Variants in HBS1L observed in about 807,000 individuals in gnomAD.
The protein encoded by HBS1L is HBS1 like translational GTPase.
Under a neutral mutation model 88.9 loss-of-function variants are expected in HBS1L, and 55 were observed. The observed-to-expected ratio is 0.62, with a 90% CI of 0.50 to 0.77. The LOEUF (loss-of-function observed/expected upper bound fraction) is 0.77, where lower values mean the gene tolerates loss of function less well. Among genes scored for constraint, HBS1L ranks in the 30% least tolerant of loss-of-function variants. HBS1L has a pLI of 0.00. For missense variants in HBS1L, 741 were observed against 829.3 expected (o/e 0.89, Z 1.31); for synonymous variants, 267 against 288.5 (o/e 0.93, Z 0.76).
intron 4 of HBS1L, among the ~76,000 whole-genome samples, chr6:135,023,903 T>C (rs1489164215): frequency 6.6e-6 from 1 of 152,228 alleles, no homozygotes; most frequent in African/African-American, 2.4e-5. Context: ...CAATTTAAAT[T>C]ATACATGATA....
At chr6:135,003,309 G>C (rs935108123) in intron 4 of HBS1L, among the ~76,000 whole-genome samples, 2 of 152,128 alleles carry the variant, frequency 1.3e-5, no homozygotes, top group Non-Finnish European at 2.9e-5. Context: ...CTGGAATATA[G>C]TATATATTTT....
Position 134,982,869 on chromosome 6 carries a change from G to GT in HBS1L, c.1493-308dup, listed in dbSNP as rs556162923. The GT allele has an allele frequency of 2.7e-4, 49 of 178,402 alleles. No homozygotes were observed. The East Asian group carries it at 7.0e-3, about 26-fold the overall frequency. 11.1% of individuals were successfully genotyped at this position (178,402 alleles called of 1,614,324 possible). A position where few individuals can be genotyped will look rare whatever the true frequency, so the allele number is the denominator to read the frequency against. Reference sequence around the variant, plus strand: ...TCTGGGGATAAAAAAAAATAAAAATGTAAGTCCCTGCCCATAAAGATATTA... The same window carrying GT: ...TCTGGGGATAAAAAAAAATAAAAATGTTAAGTCCCTGCCCATAAAGATATTA... On this transcript the variant is annotated intron_variant, in intron 12 of 17. Coordinates refer to ENST00000367837, the MANE Select transcript of HBS1L (RefSeq NM_006620.4).
At position 134,968,752 on chromosome 6, in the gene HBS1L, C is replaced by CA. The variant is rs34140771; in HGVS notation, c.1898+485dup. 7.0e-3 allele frequency among the ~76,000 whole-genome samples: 624 copies of CA among 89,100 alleles called. 4 individuals carry two copies. The highest frequency in any genetic ancestry group is 0.031 in the Admixed American group (303 of 9,770). 58.5% of individuals were successfully genotyped at this position (89,100 alleles called of 152,430 possible). On this transcript the variant is annotated intron_variant, in intron 16 of 17. Coordinates refer to ENST00000367837, the MANE Select transcript of HBS1L (RefSeq NM_006620.4). ...CTTAAGGCTCCAGGTGGACTTTGAGCAAAAAAAAAAAAAAACAAACTTTCC... is the reference window on the plus strand; with the variant it reads ...CTTAAGGCTCCAGGTGGACTTTGAGCAAAAAAAAAAAAAAAACAAACTTTCC...
intron 4 of HBS1L, among the ~76,000 whole-genome samples, chr6:135,010,677 T>TAACAAATTAAGAATGATCTGGTAG: frequency 6.6e-6 from 1 of 152,142 alleles, no homozygotes; most frequent in African/African-American, 2.4e-5. Context: ...CAAGAGTACA[T>TAACAAATTAAGAATGATCTGGTAG]AACAAATTAA....
intron 4 of HBS1L, among the ~76,000 whole-genome samples, chr6:135,023,803 A>T (rs1312973887): frequency 6.6e-6 from 1 of 152,182 alleles, no homozygotes; most frequent in Non-Finnish European, 1.5e-5. Context: ...TTAAACAATC[A>T]TCTTAATGAT....
chr6:135,051,373 A>T (rs1295731093), intron 1 of HBS1L, among the ~76,000 whole-genome samples: 1 of 152,226 alleles, frequency 6.6e-6, no homozygotes, highest in Non-Finnish European at 1.5e-5. Context: ...ATAGATCATG[A>T]AAGTAGTATT....
chr6:135,027,828 C>T (rs1389286278), intron 4 of HBS1L, among the ~76,000 whole-genome samples: 1 of 151,192 alleles, frequency 6.6e-6, no homozygotes, highest in Admixed American at 6.6e-5. Context: ...AGTGCATTAG[C>T]ACAATCTTGG....
intron 4 of HBS1L, among the ~76,000 whole-genome samples, chr6:135,022,898 C>A (rs2114859695): frequency 6.7e-6 from 1 of 150,148 alleles, no homozygotes; most frequent in African/African-American, 2.4e-5. Flanking sequence ...AGGATAAAAT[C>A]TCATAATACA....
chr6:135,036,755 A>T (rs1173519532), intron 4 of HBS1L: 1 of 1,551,328 alleles, frequency 6.4e-7, no homozygotes, highest in African/African-American at 1.4e-5. Flanking sequence ...TAACGAAGAC[A>T]CAGTGTTGAG....
intron 4 of HBS1L, chr6:135,037,298 T>C: frequency 6.4e-7 from 1 of 1,551,888 alleles, no homozygotes; most frequent in Non-Finnish European, 8.7e-7. Context: ...TGGCTTATAT[T>C]GTTTTCTTTG....
intron 4 of HBS1L, among the ~76,000 whole-genome samples, chr6:135,022,682 A>G (rs186939169): frequency 8.1e-4 from 124 of 152,310 alleles, no homozygotes; most frequent in Non-Finnish European, 1.5e-3. Flanking sequence ...TAGTGAAAAA[A>G]TATTTTCATT....
intron 4 of HBS1L, among the ~76,000 whole-genome samples, chr6:135,030,851 G>C (rs1160208800): frequency 6.6e-6 from 1 of 151,088 alleles, no homozygotes; most frequent in Admixed American, 6.6e-5. Flanking sequence ...CAATTTACTT[G>C]TAATCCCAAA....
At chr6:134,973,334 A>T (rs2114753925) in intron 15 of HBS1L, among the ~76,000 whole-genome samples, 1 of 152,386 alleles carries the variant, frequency 6.6e-6, no homozygotes, top group African/African-American at 2.4e-5. Context: ...AAGTGAAATA[A>T]GCCAGACACA....
intron 16 of HBS1L, among the ~76,000 whole-genome samples, chr6:134,966,731 C>T (rs1019227879): frequency 5.9e-5 from 9 of 151,450 alleles, no homozygotes; most frequent in South Asian, 2.1e-4. Flanking sequence ...CTATCCCTTA[C>T]GGGACCACTA....
chr6:135,048,528 A>G (rs1470706539), intron 2 of HBS1L, among the ~76,000 whole-genome samples: 6 of 152,068 alleles, frequency 3.9e-5, no homozygotes, highest in Non-Finnish European at 5.9e-5. Flanking sequence ...GCAGCAAAGA[A>G]CCCTCTCCTC....
At chr6:134,989,628 G>T (rs1775075297) in intron 8 of HBS1L, among the ~76,000 whole-genome samples, 1 of 152,142 alleles carries the variant, frequency 6.6e-6, no homozygotes, top group Admixed American at 6.5e-5. Flanking sequence ...TCTTACAACA[G>T]AACATTACGA....
chr6:135,000,633 T>C (rs1775425295), intron 5 of HBS1L, among the ~76,000 whole-genome samples: 1 of 152,046 alleles, frequency 6.6e-6, no homozygotes, highest in African/African-American at 2.4e-5. Flanking sequence ...CAATGCATTA[T>C]GCACTATCCT....
At chr6:134,991,064 T>C (rs915671631) in intron 8 of HBS1L, among the ~76,000 whole-genome samples, 2 of 148,992 alleles carry the variant, frequency 1.3e-5, no homozygotes, top group African/African-American at 2.5e-5. Flanking sequence ...CTCACAGACA[T>C]ACACACACAC....
At chr6:135,003,003 A>T (rs1187793990) in intron 4 of HBS1L, among the ~76,000 whole-genome samples, 161 bp from the exon 5 acceptor site, 1 of 152,192 alleles carries the variant, frequency 6.6e-6, no homozygotes, top group Non-Finnish European at 1.5e-5. Flanking sequence ...ATTAATGCTG[A>T]AAGAAATTCT....
Sources: gnomAD v4.1 joint callset for allele counts (sites outside exome capture counted in the v4.1 genomes callset) on GRCh38, gnomAD v4.1.1 for gene constraint, MANE v1.5 for transcripts, NCBI Gene and HGNC (gene_info 2026-07-23, HGNC 2026-07-21) for gene names.